CAMTA1: variants seen among roughly 807,000 people sequenced by gnomAD.
The protein encoded by CAMTA1 is calmodulin binding transcription activator 1.
Under a neutral mutation model 170.9 loss-of-function variants are expected in CAMTA1, and 27 were observed. The observed-to-expected ratio is 0.16, with a 90% confidence interval of 0.12 to 0.22. The LOEUF (loss-of-function observed/expected upper bound fraction) is 0.22, where lower values mean the gene tolerates loss of function less well. CAMTA1 is among the 10% of genes least tolerant of loss of function. The pLI, the probability that CAMTA1 is intolerant of heterozygous loss-of-function variation, is 1.00. For synonymous variants in CAMTA1, 833 were observed against 891.5 expected, an observed-to-expected ratio of 0.93 and a Z score of 1.17; for missense variants, 1,619 against 2,217.2, an observed-to-expected ratio of 0.73 and a Z score of 5.42.
intron 5 of CAMTA1, among the ~76,000 whole-genome samples, chr1:7,380,199 A>G (rs2087175953): frequency 6.6e-6 from 1 of 152,226 alleles, no homozygotes; most frequent in Admixed American, 6.5e-5. Context: ...CCAGGAGCCC[A>G]TGGGGTTAGT....
chr1:7,315,976 A>G (rs1408341455), intron 5 of CAMTA1, among the ~76,000 whole-genome samples: 2 of 152,212 alleles, frequency 1.3e-5, no homozygotes, highest in African/African-American at 2.4e-5. Context: ...GGCCTCAGGA[A>G]ACTTAACAAT....
intron 5 of CAMTA1, among the ~76,000 whole-genome samples, chr1:7,431,756 C>G (rs1292756226): frequency 1.3e-5 from 2 of 152,190 alleles, no homozygotes; most frequent in African/African-American, 2.4e-5. Context: ...TCCCAGTAAG[C>G]CCTTCCTTCA....
intron 6 of CAMTA1, among the ~76,000 whole-genome samples, chr1:7,484,223 C>T (rs12022164): frequency 0.053 from 8,038 of 152,166 alleles, 305 homozygotes; most frequent in East Asian, 0.16. Context: ...ACCTCAGGTC[C>T]GCCTTCCCTC....
At chr1:7,038,777 CG>C (rs544210094) in intron 3 of CAMTA1, among the ~76,000 whole-genome samples, 25 of 152,300 alleles carry the variant, frequency 1.6e-4, no homozygotes, top group South Asian at 1.0e-3. Flanking sequence ...TGGTGGCTCA[CG>C]CCTGTAATCC....
At chr1:6,989,399 C>T (rs1019345150) in intron 3 of CAMTA1, among the ~76,000 whole-genome samples, 1 of 152,198 alleles carries the variant, frequency 6.6e-6, no homozygotes, top group African/African-American at 2.4e-5. Flanking sequence ...TGGCCGCTCT[C>T]TTGTCATGTC....
At chr1:6,866,994 T>C (rs1437088591) in intron 3 of CAMTA1, among the ~76,000 whole-genome samples, 1 of 152,252 alleles carries the variant, frequency 6.6e-6, no homozygotes, top group East Asian at 1.9e-4. Flanking sequence ...ACAGCATGGC[T>C]GCGTGCCTAA....
intron 3 of CAMTA1, among the ~76,000 whole-genome samples, chr1:6,828,401 C>G (rs1648139252): frequency 6.7e-6 from 1 of 148,182 alleles, no homozygotes. Context: ...AAGCGGTTCT[C>G]CTGCCTCAGT....
At chr1:7,043,018 G>A (rs1330513257) in intron 3 of CAMTA1, among the ~76,000 whole-genome samples, 1 of 152,204 alleles carries the variant, frequency 6.6e-6, no homozygotes, top group Non-Finnish European at 1.5e-5. Flanking sequence ...TCACTGGCCT[G>A]GGTGTGCTGC....
chr1:6,865,718 A>G (rs1187386387), intron 3 of CAMTA1, among the ~76,000 whole-genome samples: 1 of 152,114 alleles, frequency 6.6e-6, no homozygotes, highest in East Asian at 1.9e-4. Flanking sequence ...TCTCACAGCA[A>G]CTCTGTGAGG....
chr1:7,230,432 ACCC>A lies in CAMTA1; in HGVS notation c.303-19049_303-19047del, dbSNP rs66934266. Among the ~76,000 whole-genome samples the A allele has an allele frequency of 3.4e-4, 13 of 38,248 alleles. 2 individuals are homozygous for A. The highest frequency in any genetic ancestry group is 2.0e-3 in the African/African-American group (12 of 5,862). 25.1% of individuals were successfully genotyped at this position (38,248 alleles called of 152,430 possible). ...TTGGCTGGGCTGCTGCTCTGGGCTG[ACCC>A]CCCCCCCCCGCCCCGCAAAGCTCTG... On this transcript the variant is annotated intron_variant, in intron 4 of 22. Coordinates refer to ENST00000303635, the MANE Select transcript of CAMTA1 (RefSeq NM_015215.4).
intron 3 of CAMTA1, among the ~76,000 whole-genome samples, chr1:6,933,460 A>G (rs770331065): frequency 5.3e-5 from 8 of 152,092 alleles, no homozygotes; most frequent in Non-Finnish European, 1.0e-4. Context: ...GGGTTTCACC[A>G]TGTTGGCCAG....
chr1:6,827,925 T>C (rs781050234), intron 3 of CAMTA1, among the ~76,000 whole-genome samples: 3 of 152,200 alleles, frequency 2.0e-5, no homozygotes, highest in Non-Finnish European at 4.4e-5. Flanking sequence ...AAAAACTCTA[T>C]TTCTTAGATC....
intron 6 of CAMTA1, among the ~76,000 whole-genome samples, chr1:7,520,222 C>T (rs377604954): frequency 8.2e-5 from 2 of 24,532 alleles, no homozygotes; most frequent in African/African-American, 2.0e-4. Context: ...TCCTCCTCCT[C>T]CTCCTCCCTC....
intron 4 of CAMTA1, among the ~76,000 whole-genome samples, chr1:7,123,576 G>T (rs533556749): frequency 1.3e-5 from 2 of 152,016 alleles, no homozygotes; most frequent in Admixed American, 1.3e-4. Flanking sequence ...CTTTCTCACC[G>T]CTCGCCTTCA....
At chr1:6,816,941 G>C (rs1645897175) in intron 1 of CAMTA1, among the ~76,000 whole-genome samples, 1 of 152,140 alleles carries the variant, frequency 6.6e-6, no homozygotes, top group Admixed American at 6.5e-5. Flanking sequence ...AGAACCTATG[G>C]TTTTCAAAGA....
intron 3 of CAMTA1, among the ~76,000 whole-genome samples, chr1:6,878,695 T>C (rs1039605639): frequency 2.0e-5 from 3 of 152,214 alleles, no homozygotes; most frequent in African/African-American, 7.2e-5. Context: ...CGATTTGTTC[T>C]AGTTCCGTTG....
intron 3 of CAMTA1, among the ~76,000 whole-genome samples, chr1:6,953,035 G>A (rs570058242): frequency 2.0e-5 from 3 of 152,104 alleles, no homozygotes; most frequent in South Asian, 2.1e-4. Flanking sequence ...TCATAACATC[G>A]GGTTCATATT....
chr1:7,402,318 C>G (rs2089963005), intron 5 of CAMTA1, among the ~76,000 whole-genome samples: 1 of 152,186 alleles, frequency 6.6e-6, no homozygotes, highest in Admixed American at 6.5e-5. Context: ...TCTCCCAACC[C>G]AAAAGTACCT....
At chr1:6,899,328 T>C (rs573509246) in intron 3 of CAMTA1, among the ~76,000 whole-genome samples, 1 of 152,384 alleles carries the variant, frequency 6.6e-6, no homozygotes, top group South Asian at 2.1e-4. Flanking sequence ...AATCCTTTTC[T>C]TCAGCACATG....
Sources: allele counts gnomAD v4.1 joint callset (sites outside exome capture counted in the v4.1 genomes callset), GRCh38; gene constraint gnomAD v4.1.1; transcripts MANE v1.5; gene names NCBI Gene and HGNC (gene_info 2026-07-23, HGNC 2026-07-21).